Variants in NIFK observed in about 807,000 individuals in gnomAD.
NIFK encodes the protein MKI67 FHA domain-interacting nucleolar phosphoprotein.
NIFK carries 16 observed loss-of-function variants against 31.7 expected under a neutral mutation model. The observed-to-expected ratio is 0.50, with a 90% confidence interval of 0.34 to 0.77. The LOEUF (loss-of-function observed/expected upper bound fraction) is 0.77, where lower values mean the gene tolerates loss of function less well. Among genes scored for constraint, NIFK ranks in the 30% least tolerant of loss-of-function variants. The pLI, the probability that NIFK is intolerant of heterozygous loss-of-function variation, is 0.01. For missense variants in NIFK, 341 were observed against 350.4 expected (o/e 0.97, Z 0.21); for synonymous variants, 126 against 123.0 (o/e 1.02, Z -0.16).
At chr2:121,735,240 G>A (rs928431687) in intron 2 of NIFK, among the ~76,000 whole-genome samples, 12 of 152,136 alleles carry the variant, frequency 7.9e-5, no homozygotes, top group Non-Finnish European at 1.5e-4. Flanking sequence ...GTAAGGTGTA[G>A]AGCCTGACCC....
intron 4 of NIFK, 65 bp downstream of exon 4, chr2:121,730,828 A>G: frequency 3.7e-6 from 4 of 1,082,658 alleles, no homozygotes; most frequent in Non-Finnish European, 5.7e-6. Context: ...GGTACTTTAC[A>G]AGGTACAAAG....
chr2:121,735,162 C>G (rs1324388190), intron 2 of NIFK, among the ~76,000 whole-genome samples: 1 of 152,160 alleles, frequency 6.6e-6, no homozygotes, highest in African/African-American at 2.4e-5. Flanking sequence ...TAAATACTCC[C>G]AGGAAGTTTT....
intron 3 of NIFK, among the ~76,000 whole-genome samples, 173 bp downstream of exon 3, chr2:121,731,923 A>G (rs2106442636): frequency 6.6e-6 from 1 of 152,318 alleles, no homozygotes; most frequent in Non-Finnish European, 1.5e-5. Flanking sequence ...AGATTTTAAA[A>G]TTCCAATTAG....
Position 121,736,777 on chromosome 2 carries a change from T to C in NIFK, c.74A>G (p.Glu25Gly). ...TATGCGCTTGCGAACCTGCGCCACC[T>C]CCTTTTGAAACTCGACATCTTCCTG... ...NPQEDVEFQKEVAQVRKRITQ... is the reference protein window; with the variant it reads ...NPQEDVEFQKGVAQVRKRITQ... Residue 25 changes from glutamate to glycine, a missense_variant, in exon 1 of 7, where the codon GAG (glutamate) becomes GGG (glycine). Physicochemically the swap from Glu to Gly is moderately conservative, Grantham distance 98. Transcript: ENST00000285814. 2 of 1,614,116 alleles carry C rather than the reference T, an allele frequency of 1.2e-6. No homozygotes were observed. The highest frequency in any genetic ancestry group is 1.7e-6 in the Non-Finnish European group (2 of 1,179,968).
At chr2:121,735,826 C>A in intron 1 of NIFK, 76 bp from the exon 2 acceptor site, 1 of 1,243,934 alleles carries the variant, frequency 8.0e-7, no homozygotes. Flanking sequence ...TAGCCCTCGG[C>A]CCAAGAACCT....
chr2:121,729,705 C>T (rs1354489124), intron 4 of NIFK, among the ~76,000 whole-genome samples: 1 of 152,172 alleles, frequency 6.6e-6, no homozygotes, highest in Non-Finnish European at 1.5e-5. Flanking sequence ...GCAAGGACTA[C>T]AGGCACACAC....
At chr2:121,730,815 C>T (rs750147872) in intron 4 of NIFK, 78 bp downstream of exon 4, 2 of 951,948 alleles carry the variant, frequency 2.1e-6, no homozygotes. Flanking sequence ...AAGTGCTAGG[C>T]TAGGTACTTT....
At position 121,727,672 on chromosome 2, in the gene NIFK, C is replaced by T; in HGVS notation, c.*52G>A. 7.5e-7 allele frequency: 1 copy of T among 1,331,970 alleles called. No individual in the cohort carries two copies. Among genetic ancestry groups the T allele is most frequent in the South Asian group, 1.3e-5 (1 of 77,970 alleles). The allele number at this position is 1,331,970 out of a possible 1,614,324, so 82.5% of individuals were successfully genotyped here. A position where few individuals can be genotyped will look rare whatever the true frequency, so the allele number is the denominator to read the frequency against. On this transcript the variant is annotated 3_prime_UTR_variant, in exon 7 of 7. Transcript: ENST00000285814. ...CATTGTACCTAGTGAAATACAAAGTCCACTCTCATAAAAATATTATATTTT... is the reference window on the plus strand; with the variant it reads ...CATTGTACCTAGTGAAATACAAAGTTCACTCTCATAAAAATATTATATTTT...
chr2:121,733,493 C>CAACA (rs1185699454), intron 2 of NIFK, among the ~76,000 whole-genome samples: 2 of 150,240 alleles, frequency 1.3e-5, no homozygotes, highest in African/African-American at 2.5e-5. Context: ...CCAGCCTGGG[C>CAACA]AACAGAGTGA....
rs761568940 is a variant in NIFK at position 121,736,845 on chromosome 2, C to A, written c.6G>T (p.Ala2=). 8 of 1,613,784 alleles carry A rather than the reference C, an allele frequency of 5.0e-6. No individual in the cohort carries two copies. The highest frequency in any genetic ancestry group is 1.3e-5 in the African/African-American group (1 of 74,942). The change falls in exon 1 of 7, where the codon GCG becomes GCT. Residue 2 remains alanine (A), a synonymous_variant. Transcript: ENST00000285814. M[A]TFSGPAGPIL... ...TTGGCCCAGCCGGGCCAGAAAAAGT[C>A]GCCATGCCAAAAGCCGCCGACGCTA...
At chr2:121,729,188 C>A (rs181898285) in intron 4 of NIFK, among the ~76,000 whole-genome samples, 16 of 151,850 alleles carry the variant, frequency 1.1e-4, no homozygotes, top group South Asian at 4.2e-4. Flanking sequence ...GGTGATGAAA[C>A]CCTATCTCTA....
chr2:121,729,893 G>A (rs1359276371), intron 4 of NIFK, among the ~76,000 whole-genome samples: 1 of 152,162 alleles, frequency 6.6e-6, no homozygotes, highest in Non-Finnish European at 1.5e-5. Flanking sequence ...TAATGTTTTA[G>A]GAAGAACCTA....
chr2:121,732,480 A>G (rs559851842), intron 2 of NIFK, among the ~76,000 whole-genome samples: 15 of 152,294 alleles, frequency 9.8e-5, no homozygotes, highest in Admixed American at 4.6e-4. Context: ...TTTATTCAGT[A>G]ACAACACTCC....
At position 121,728,470 on chromosome 2, in the gene NIFK, A is replaced by T. The variant is rs748989670; in HGVS notation, c.624+7T>A. The stretch of plus-strand genomic sequence containing the variant: ...TCTTGCATGTAAAATGATAAAAAAA[A>T]TTTTACCTGGCCTTTTGTAGACGTC... On this transcript the variant is annotated splice_region_variant and intron_variant, in intron 5 of 6. Coordinates refer to ENST00000285814, the MANE Select transcript of NIFK (RefSeq NM_032390.5). The T allele has an allele frequency of 1.1e-5, 17 of 1,579,896 alleles. No homozygotes were observed. Among genetic ancestry groups the T allele is most frequent in the Non-Finnish European group, 1.5e-5 (17 of 1,164,310 alleles).
At position 121,727,858 on chromosome 2, in the gene NIFK, C is replaced by A; in HGVS notation, c.748G>T (p.Ala250Ser). 6.2e-7 allele frequency: 1 copy of A among 1,611,436 alleles called. No homozygotes were observed. The highest frequency in any genetic ancestry group is 8.5e-7 in the Non-Finnish European group (1 of 1,179,624). ...TCTTTATCATCATCATTCAGTTCAG[C>A]CACTTGAGATTTTCGCCTCTCCAAA... ...TFLERRKSQV[A>S]ELNDDDKDDE... Residue 250 changes from alanine to serine, a missense_variant, in exon 7 of 7, where the codon GCT becomes TCT. Coordinates refer to ENST00000285814, the MANE Select transcript of NIFK (RefSeq NM_032390.5).
chr2:121,734,657 G>A (rs2074566871), intron 2 of NIFK, among the ~76,000 whole-genome samples: 1 of 152,120 alleles, frequency 6.6e-6, no homozygotes, highest in South Asian at 2.1e-4. Flanking sequence ...GCCAGGCATG[G>A]TGGCAGGCGC....
chr2:121,733,594 A>G (rs769865995), intron 2 of NIFK, among the ~76,000 whole-genome samples: 13 of 151,536 alleles, frequency 8.6e-5, no homozygotes, highest in Non-Finnish European at 1.8e-4. Context: ...CAGGAGAATC[A>G]CTTGAATCCG....
chr2:121,733,892 A>G (rs1038960778), intron 2 of NIFK, among the ~76,000 whole-genome samples: 1 of 152,122 alleles, frequency 6.6e-6, no homozygotes, highest in African/African-American at 2.4e-5. Flanking sequence ...TCTTATTGTG[A>G]GCCAAAGTCT....
At chr2:121,735,523 G>T in intron 2 of NIFK, 90 bp downstream of exon 2, 1 of 1,340,328 alleles carries the variant, frequency 7.5e-7, no homozygotes. Context: ...AATCTGATAA[G>T]CAATAATGTA....
Sources: allele counts gnomAD v4.1 joint callset (sites outside exome capture counted in the v4.1 genomes callset), GRCh38; gene constraint gnomAD v4.1.1; transcripts MANE v1.5; gene names NCBI Gene and HGNC (gene_info 2026-07-23, HGNC 2026-07-21).